Variants in ETV2 observed in about 807,000 individuals in gnomAD.
The protein encoded by ETV2 is ETS variant transcription factor 2.
In ETV2, 34 loss-of-function variants were observed where a neutral mutation model predicts 35.7. The observed-to-expected ratio is 0.95, with a 90% CI of 0.72 to 1.27. ETV2 has a LOEUF of 1.27. Ranked by LOEUF, ETV2 falls within the 50% of genes most tolerant of loss-of-function variation. The pLI, the probability that ETV2 is intolerant of heterozygous loss-of-function variation, is 0.00. For missense variants in ETV2, 512 were observed against 470.5 expected (o/e 1.09, Z -0.82); for synonymous variants, 207 against 203.9 (o/e 1.02, Z -0.13).
In ETV2 at chr19:35,643,437, C is replaced by A; in HGVS notation, c.399C>A (p.Val133=). 1 of 1,546,536 alleles carries A rather than the reference C, an allele frequency of 6.5e-7. No homozygotes were observed. The highest frequency in any genetic ancestry group is 8.7e-7 in the Non-Finnish European group (1 of 1,145,506). ...GSEGAAGQNC[V]PVAGEATSWS... ...AAGGCGCCGCGGGCCAGAACTGCGT[C>A]CCCGTGGCGGGAGAGGCCACCTCGT... Residue 133 remains valine, a synonymous_variant, in exon 5 of 7, where the codon GTC becomes GTA. Transcript: ENST00000402764. This position sits in a 1 kb window ranked among gnomAD's most constrained non-coding sequence, Gnocchi z 5.0.
chr19:35,643,667 A>G lies in ETV2; in HGVS notation c.629A>G (p.Gln210Arg). Residue 210 changes from glutamine to arginine, a missense_variant, in exon 5 of 7, where the codon CAG (glutamine) becomes CGG (arginine). Transcript: ENST00000402764. The surrounding 1 kb of genome is among the most constrained non-coding windows in gnomAD (Gnocchi z 5.0). ...AGGTTSLKRY[Q>R]SSALTVCSEP... is the part of the protein sequence containing the mutation. Reference sequence around the variant, plus strand: ...GGCACCACCTCTTTGAAGCGGTACCAGAGCTCAGCTCTCACCGTTTGCTCC... The same window carrying G: ...GGCACCACCTCTTTGAAGCGGTACCGGAGCTCAGCTCTCACCGTTTGCTCC... 6.2e-7 allele frequency: 1 copy of G among 1,613,820 alleles called. No individual in the cohort carries two copies. The highest frequency in any genetic ancestry group is 8.5e-7 in the Non-Finnish European group (1 of 1,179,828).
Position 35,644,560 on chromosome 19 carries a change from G to A in ETV2, c.829-92G>A. On this transcript the variant is annotated intron_variant, in intron 6 of 6. Coordinates refer to ENST00000402764, the MANE Select transcript of ETV2 (RefSeq NM_014209.4). The surrounding 1 kb of genome is among the most constrained non-coding windows in gnomAD (Gnocchi z 4.7). ...CCGGGCTCTGCGAGGCCTCGCCCAG[G>A]TCTGCACTGCACACCGCCCCCAGGC... The A allele has an allele frequency of 7.0e-6, 9 of 1,293,796 alleles. No homozygotes were observed. The highest frequency in any genetic ancestry group is 9.6e-6 in the Non-Finnish European group (9 of 941,502). 80.1% of individuals were successfully genotyped at this position (1,293,796 alleles called of 1,614,324 possible).
In ETV2 at chr19:35,644,468, G is replaced by A. The variant is rs1391729474; in HGVS notation, c.828+121G>A. ...CCCGCCGCTCCCCGGCCCACTCGAG[G>A]CCCCGCCCAACCCTTCTCAAACCCA... On this transcript the variant is annotated intron_variant, in intron 6 of 6. Transcript: ENST00000402764. The surrounding 1 kb of genome is among the most constrained non-coding windows in gnomAD (Gnocchi z 4.7). The A allele has an allele frequency of 3.3e-6, 3 of 919,270 alleles. No individual in the cohort carries two copies. The African/African-American group carries it at 4.9e-5, about 15-fold the overall frequency. The allele number at this position is 919,270 out of a possible 1,614,324, so 56.9% of individuals were successfully genotyped here. A position where few individuals can be genotyped will look rare whatever the true frequency, so the allele number is the denominator to read the frequency against.
chr19:35,642,592 C>A lies in ETV2; in HGVS notation c.71-23C>A, dbSNP rs746883432. On this transcript the variant is annotated intron_variant, in intron 2 of 6. Coordinates refer to ENST00000402764, the MANE Select transcript of ETV2 (RefSeq NM_014209.4). The surrounding 1 kb of genome is among the most constrained non-coding windows in gnomAD (Gnocchi z 4.4). ...GGTGTCCAGGTGGGGCCTCTGCTGA[C>A]CCTAACCCCTTATCGCCTGCAGAAG... is the stretch of plus-strand genomic sequence containing the variant. 1 of 1,612,298 alleles carries A rather than the reference C, an allele frequency of 6.2e-7. No homozygotes were observed. The highest frequency in any genetic ancestry group is 8.5e-7 in the Non-Finnish European group (1 of 1,179,164).
chr19:35,643,823 G>A lies in ETV2; in HGVS notation c.715+70G>A. ...TGAGCCGGGACCCAGGCACCTAAGGGGGCGGGGCCCGGGAGACTGACAGTG... is the reference window on the plus strand; with the variant it reads ...TGAGCCGGGACCCAGGCACCTAAGGAGGCGGGGCCCGGGAGACTGACAGTG... On this transcript the variant is annotated intron_variant, in intron 5 of 6. Transcript: ENST00000402764. The surrounding 1 kb of genome is among the most constrained non-coding windows in gnomAD (Gnocchi z 5.0). 6.3e-7 allele frequency: 1 copy of A among 1,597,278 alleles called. No individual in the cohort carries two copies. The highest frequency in any genetic ancestry group is 2.0e-4 in the Middle Eastern group (1 of 5,018).
At position 35,644,771 on chromosome 19, in the gene ETV2, C is replaced by G; in HGVS notation, c.948C>G (p.Tyr316Ter). The change falls in exon 7 of 7, where the codon TAC becomes TAG. Residue 316 changes from tyrosine (Y) to a stop codon, truncating the protein, a stop_gained. Transcript: ENST00000402764. LOFTEE classifies it low-confidence loss of function (END_TRUNC). This position sits in a 1 kb window ranked among gnomAD's most constrained non-coding sequence, Gnocchi z 4.7. ...TGCGCAAGAGCGGGGGGCGAAAGTA[C>G]ACGTACCGCTTCGGGGGCCGCGTGC... ...DIVRKSGGRK[Y>*]TYRFGGRVPS... 6.2e-7 allele frequency: 1 copy of G among 1,612,332 alleles called. No individual in the cohort carries two copies. Among genetic ancestry groups the G allele is most frequent in the Non-Finnish European group, 8.5e-7 (1 of 1,179,250 alleles).
Position 35,644,581 on chromosome 19 carries a change from C to T in ETV2, c.829-71C>T. ...CCAGGTCTGCACTGCACACCGCCCC[C>T]AGGCCCGGCCCTCCCCACTATCGCC... On this transcript the variant is annotated intron_variant, in intron 6 of 6. Transcript: ENST00000402764. This position sits in a 1 kb window ranked among gnomAD's most constrained non-coding sequence, Gnocchi z 4.7. The T allele has an allele frequency of 1.7e-5, 24 of 1,447,446 alleles. No individual in the cohort carries two copies. Among genetic ancestry groups the T allele is most frequent in the Admixed American group, 2.2e-5 (1 of 44,516 alleles). 89.7% of individuals were successfully genotyped at this position (1,447,446 alleles called of 1,614,324 possible). A position where few individuals can be genotyped will look rare whatever the true frequency, so the allele number is the denominator to read the frequency against.
rs1434612947 is a variant in ETV2, at chr19:35,642,374, C to A, written c.-27-60C>A. On this transcript the variant is annotated intron_variant, in intron 1 of 6. Coordinates refer to ENST00000402764, the MANE Select transcript of ETV2 (RefSeq NM_014209.4). This position sits in a 1 kb window ranked among gnomAD's most constrained non-coding sequence, Gnocchi z 4.4. ...AGGGAAGCTAGGGCTGGGGCCCAGA[C>A]TCCAGGGCCTCCAAGTGTCACCAGC... is the stretch of plus-strand genomic sequence containing the variant. 7.9e-6 allele frequency: 7 copies of A among 885,992 alleles called. No homozygotes were observed. The highest frequency in any genetic ancestry group is 1.2e-5 in the Non-Finnish European group (7 of 577,780). The allele number at this position is 885,992 out of a possible 1,614,324, so 54.9% of individuals were successfully genotyped here. A position where few individuals can be genotyped will look rare whatever the true frequency, so the allele number is the denominator to read the frequency against.
chr19:35,643,691 C>A lies in ETV2; in HGVS notation c.653C>A (p.Ser218Tyr), dbSNP rs770349966. Residue 218 changes from serine (S) to tyrosine (Y), a missense_variant, in exon 5 of 7, where the codon TCC becomes TAC. Ser to Tyr is a moderately radical substitution (Grantham distance 144). Transcript: ENST00000402764. The surrounding 1 kb of genome is among the most constrained non-coding windows in gnomAD (Gnocchi z 5.0). Reference protein sequence around the residue: ...RYQSSALTVCSEPSPQSDRAS... With the variant: ...RYQSSALTVCYEPSPQSDRAS... ...CAGAGCTCAGCTCTCACCGTTTGCT[C>A]CGAACCGAGCCCGCAGTCGGACCGT... 3 of 1,613,888 alleles carry A rather than the reference C, an allele frequency of 1.9e-6. No homozygotes were observed. The highest frequency in any genetic ancestry group is 8.5e-7 in the Non-Finnish European group (1 of 1,179,840).
rs753561269 is a variant in ETV2, at chr19:35,643,338, C to G, written c.300C>G (p.Asp100Glu). Residue 100 changes from aspartate to glutamate, a missense_variant, in exon 5 of 7, where the codon GAC becomes GAG. Coordinates refer to ENST00000402764, the MANE Select transcript of ETV2 (RefSeq NM_014209.4). The surrounding 1 kb of genome is among the most constrained non-coding windows in gnomAD (Gnocchi z 5.0). ...DWTDMACTAW[D>E]SWSGASQTLG... is the part of the protein sequence containing the mutation. ...CAGACATGGCGTGCACAGCCTGGGA[C>G]TCTTGGAGCGGCGCCTCGCAGACCC... The G allele has an allele frequency of 1.9e-6, 3 of 1,597,918 alleles. No homozygotes were observed. The Admixed American group carries it at 5.2e-5, about 27-fold the overall frequency.
chr19:35,642,981 G>A lies in ETV2; in HGVS notation c.171G>A (p.Leu57=), dbSNP rs1299623636. ...TAAACTCAGGTACAAGCTCATCCCT[G>A]GCAAGCTTCCCACAGCTGGACTGGG... ...ETCWKGTSSS[L]ASFPQLDWGS... Residue 57 remains leucine (L), a synonymous_variant, in exon 4 of 7, where the codon CTG becomes CTA. Transcript: ENST00000402764. This position sits in a 1 kb window ranked among gnomAD's most constrained non-coding sequence, Gnocchi z 4.4. 3 of 1,573,354 alleles carry A rather than the reference G, an allele frequency of 1.9e-6. No homozygotes were observed. The highest frequency in any genetic ancestry group is 3.7e-5 in the Admixed American group (2 of 54,136).
At position 35,642,699 on chromosome 19, in the gene ETV2, G is replaced by C; in HGVS notation, c.154+1G>C. 1 of 1,590,076 alleles carries C rather than the reference G, an allele frequency of 6.3e-7. No individual in the cohort carries two copies. The highest frequency in any genetic ancestry group is 8.6e-7 in the Non-Finnish European group (1 of 1,167,442). ...GCGACAGCAGAGACATGCTGGAAAG[G>C]TGGCTGCGGGCTGGGACCCCTAAGT... is the stretch of plus-strand genomic sequence containing the variant. On this transcript the variant is annotated splice_donor_variant, in intron 3 of 6. Transcript: ENST00000402764. LOFTEE classifies it high-confidence loss of function. The surrounding 1 kb of genome is among the most constrained non-coding windows in gnomAD (Gnocchi z 4.4).
Position 35,644,524 on chromosome 19 carries a change from C to T in ETV2, c.829-128C>T. 9.9e-7 allele frequency: 1 copy of T among 1,012,942 alleles called. No homozygotes were observed. The highest frequency in any genetic ancestry group is 1.4e-6 in the Non-Finnish European group (1 of 694,026). The allele number at this position is 1,012,942 out of a possible 1,614,324, so 62.7% of individuals were successfully genotyped here. ...CCGCCTGTACTCCTGCCTCAACCAACCCAGTCTCCACCGGGCTCTGCGAGG... is the reference window on the plus strand; with the variant it reads ...CCGCCTGTACTCCTGCCTCAACCAATCCAGTCTCCACCGGGCTCTGCGAGG... On this transcript the variant is annotated intron_variant, in intron 6 of 6. Transcript: ENST00000402764. This position sits in a 1 kb window ranked among gnomAD's most constrained non-coding sequence, Gnocchi z 4.7.
At position 35,643,417 on chromosome 19, in the gene ETV2, G is replaced by C. The variant is rs555598535; in HGVS notation, c.379G>C (p.Ala127Pro). 5.8e-6 allele frequency: 9 copies of C among 1,543,030 alleles called. No homozygotes were observed. The East Asian group carries it at 2.0e-4, about 34-fold the overall frequency. ...GPIPAAGSEG[A>P]AGQNCVPVAG... Reference sequence around the variant, plus strand: ...CATCCCCGCCGCCGGCTCCGAAGGCGCCGCGGGCCAGAACTGCGTCCCCGT... The same window carrying C: ...CATCCCCGCCGCCGGCTCCGAAGGCCCCGCGGGCCAGAACTGCGTCCCCGT... The change falls in exon 5 of 7, where the codon GCC becomes CCC. Residue 127 changes from alanine (A) to proline (P), a missense_variant. Coordinates refer to ENST00000402764, the MANE Select transcript of ETV2 (RefSeq NM_014209.4). The surrounding 1 kb of genome is among the most constrained non-coding windows in gnomAD (Gnocchi z 5.0).
In ETV2 at chr19:35,642,322, G is replaced by C; in HGVS notation, c.-27-112G>C. 3.4e-6 allele frequency: 2 copies of C among 596,058 alleles called. No homozygotes were observed. Among genetic ancestry groups the C allele is most frequent in the Non-Finnish European group, 5.9e-6 (2 of 340,608 alleles). 36.9% of individuals were successfully genotyped at this position (596,058 alleles called of 1,614,324 possible). On this transcript the variant is annotated intron_variant, in intron 1 of 6. Transcript: ENST00000402764. The surrounding 1 kb of genome is among the most constrained non-coding windows in gnomAD (Gnocchi z 4.4). ...GATTTTAGGCTCCTGGGGAAGGAGG[G>C]AGCGGAGGCCTGGACTCCTGGCTCT...
In ETV2 at chr19:35,644,424, C is replaced by G; in HGVS notation, c.828+77C>G. On this transcript the variant is annotated intron_variant, in intron 6 of 6. Coordinates refer to ENST00000402764, the MANE Select transcript of ETV2 (RefSeq NM_014209.4). The surrounding 1 kb of genome is among the most constrained non-coding windows in gnomAD (Gnocchi z 4.7). ...TTTAGCTCCGCCCAAGGGCTAGGTT[C>G]AACCGCGTAGCCCTCGGCCCCGCCG... is the stretch of plus-strand genomic sequence containing the variant. 1.8e-6 allele frequency: 2 copies of G among 1,087,246 alleles called. No homozygotes were observed. Among genetic ancestry groups the G allele is most frequent in the South Asian group, 2.8e-5 (2 of 71,496 alleles). The allele number at this position is 1,087,246 out of a possible 1,614,324, so 67.3% of individuals were successfully genotyped here. A position where few individuals can be genotyped will look rare whatever the true frequency, so the allele number is the denominator to read the frequency against.
rs1568339557 is a variant in ETV2 at position 35,643,924 on chromosome 19, G to A, written c.715+171G>A. On this transcript the variant is annotated intron_variant, in intron 5 of 6. Transcript: ENST00000402764. This position sits in a 1 kb window ranked among gnomAD's most constrained non-coding sequence, Gnocchi z 5.0. ...GCACTCCAGGTCCTTGGGGAGGAGA[G>A]GGCTAAGAAACTGGTAGTCTTATAG... Among the ~76,000 whole-genome samples the A allele has an allele frequency of 6.6e-6, 1 of 152,148 alleles. No homozygotes were observed. The highest frequency in any genetic ancestry group is 1.5e-5 in the Non-Finnish European group (1 of 68,016).
At position 35,644,504 on chromosome 19, in the gene ETV2, T is replaced by C; in HGVS notation, c.829-148T>C. The C allele has an allele frequency of 1.1e-6, 1 of 921,458 alleles. No homozygotes were observed. The highest frequency in any genetic ancestry group is 1.6e-5 in the South Asian group (1 of 60,914). The allele number at this position is 921,458 out of a possible 1,614,324, so 57.1% of individuals were successfully genotyped here. On this transcript the variant is annotated intron_variant, in intron 6 of 6. Coordinates refer to ENST00000402764, the MANE Select transcript of ETV2 (RefSeq NM_014209.4). This position sits in a 1 kb window ranked among gnomAD's most constrained non-coding sequence, Gnocchi z 4.7. ...CCCTTCTCAAACCCAATCTCCCGCC[T>C]GTACTCCTGCCTCAACCAACCCAGT... is the stretch of plus-strand genomic sequence containing the variant.
At position 35,644,284 on chromosome 19, in the gene ETV2, G is replaced by A; in HGVS notation, c.765G>A (p.Ala255=). 6.4e-7 allele frequency: 1 copy of A among 1,561,164 alleles called. No individual in the cohort carries two copies. Among genetic ancestry groups the A allele is most frequent in the Non-Finnish European group, 8.7e-7 (1 of 1,152,400 alleles). ...TCCTGGAGCTGCTCCACGACGGGGCGCGTAGCAGCTGCATCCGTTGGACTG... is the reference window on the plus strand; with the variant it reads ...TCCTGGAGCTGCTCCACGACGGGGCACGTAGCAGCTGCATCCGTTGGACTG... ...QFLLELLHDG[A]RSSCIRWTGN... is the part of the protein sequence containing the mutation. Residue 255 remains alanine, a synonymous_variant, in exon 6 of 7, where the codon GCG becomes GCA. Coordinates refer to ENST00000402764, the MANE Select transcript of ETV2 (RefSeq NM_014209.4). This position sits in a 1 kb window ranked among gnomAD's most constrained non-coding sequence, Gnocchi z 4.7.
Sources: allele counts gnomAD v4.1 joint callset (sites outside exome capture counted in the v4.1 genomes callset), GRCh38; gene constraint gnomAD v4.1.1; non-coding constraint Gnocchi (gnomAD v3.1); transcripts MANE v1.5; gene names NCBI Gene and HGNC (gene_info 2026-07-23, HGNC 2026-07-21).